Variants in SH3RF2 observed in about 807,000 individuals in gnomAD.
The protein encoded by SH3RF2 is SH3 domain containing ring finger 2.
Under a neutral mutation model 59.0 loss-of-function variants are expected in SH3RF2, and 43 were observed. The ratio of observed to expected loss-of-function variants is 0.73; its 90% CI spans 0.57 to 0.94. SH3RF2 has a LOEUF of 0.94. Among genes scored for constraint, SH3RF2 ranks in the 40% least tolerant of loss-of-function variants. The probability of loss-of-function intolerance (pLI) is 0.00; values close to 1 mark genes in which losing one functional copy is unlikely to be tolerated. For synonymous variants in SH3RF2, 391 were observed against 391.5 expected, an observed-to-expected ratio of 1.00 and a Z score of 0.01; for missense variants, 930 against 940.1, an observed-to-expected ratio of 0.99 and a Z score of 0.14.
In SH3RF2 at chr5:146,004,024, G is replaced by A. The variant is rs748482751; in HGVS notation, c.649-34G>A. ...GAGAGCTTTTACTGCCTGAAAATGA[G>A]AGTAAATGCTGACCATGAGACTTTC... On this transcript the variant is annotated intron_variant, in intron 3 of 9. Transcript: ENST00000359120. 6.3e-6 allele frequency: 10 copies of A among 1,580,974 alleles called. No individual in the cohort carries two copies. The South Asian group carries it at 1.0e-4, about 16-fold the overall frequency.
chr5:146,010,400 G>A (rs2149990726), intron 4 of SH3RF2, among the ~76,000 whole-genome samples: 1 of 152,264 alleles, frequency 6.6e-6, no homozygotes, highest in African/African-American at 2.4e-5. Flanking sequence ...ACCCAGTAAT[G>A]GGATGGCTGG....
chr5:145,990,250 G>A (rs952237059), intron 2 of SH3RF2, among the ~76,000 whole-genome samples: 1 of 152,126 alleles, frequency 6.6e-6, no homozygotes, highest in Non-Finnish European at 1.5e-5. Flanking sequence ...GCGTCTACTG[G>A]TTGGGAAATA....
chr5:145,952,635 T>C (rs1368202083), intron 2 of SH3RF2, among the ~76,000 whole-genome samples: 1 of 152,194 alleles, frequency 6.6e-6, no homozygotes, highest in Non-Finnish European at 1.5e-5. Flanking sequence ...AGACGTGTAA[T>C]GTATACTCTA....
chr5:145,979,493 C>A (rs1759430006), intron 2 of SH3RF2, among the ~76,000 whole-genome samples: 1 of 152,208 alleles, frequency 6.6e-6, no homozygotes, highest in Non-Finnish European at 1.5e-5. Flanking sequence ...GATAAGTTAT[C>A]TTACTGCTCT....
At chr5:146,059,730 G>A (rs538943540) in intron 8 of SH3RF2, 136 bp from the exon 9 acceptor site, 10 of 583,596 alleles carry the variant, frequency 1.7e-5, no homozygotes, top group South Asian at 1.4e-4. Context: ...TGAAAGACCC[G>A]GAGAGAATGT....
intron 5 of SH3RF2, among the ~76,000 whole-genome samples, chr5:146,031,189 G>A (rs1008620125): frequency 2.0e-5 from 3 of 152,146 alleles, no homozygotes; most frequent in African/African-American, 7.2e-5. Flanking sequence ...ATGCCCCCAG[G>A]TTGGAATTCT....
chr5:146,021,708 C>A (rs1761326361), intron 5 of SH3RF2, among the ~76,000 whole-genome samples: 1 of 150,546 alleles, frequency 6.6e-6, no homozygotes, highest in Non-Finnish European at 1.5e-5. Flanking sequence ...GGCCTCCCAC[C>A]TCTCTCTCTA....
chr5:145,972,873 G>A (rs532448233), intron 2 of SH3RF2, among the ~76,000 whole-genome samples: 1 of 152,268 alleles, frequency 6.6e-6, no homozygotes, highest in East Asian at 1.9e-4. Context: ...CTCCATGAGG[G>A]AAGTACTTTG....
chr5:146,002,527 AGG>A (rs1760469123), intron 3 of SH3RF2, among the ~76,000 whole-genome samples: 2 of 144,566 alleles, frequency 1.4e-5, no homozygotes, highest in South Asian at 2.2e-4. Context: ...GAAGGAAGGA[AGG>A]AAGGAAGGAT....
At chr5:145,998,279 G>GT (rs1231638728) in intron 2 of SH3RF2, among the ~76,000 whole-genome samples, 2 of 88,022 alleles carry the variant, frequency 2.3e-5, no homozygotes, top group Non-Finnish European at 4.6e-5. Context: ...GGGGCCCATA[G>GT]TTAAAAAAAA....
intron 1 of SH3RF2, 87 bp downstream of exon 1, chr5:145,936,781 A>G (rs1188798679): frequency 1.3e-5 from 2 of 152,092 alleles, no homozygotes; most frequent in East Asian, 1.9e-4. Context: ...GCCATCGCTC[A>G]TTCTCGGTCG....
At position 146,000,042 on chromosome 5, in the gene SH3RF2, G is replaced by A. The variant is rs372705391; in HGVS notation, c.379-16G>A. The A allele has an allele frequency of 1.2e-6, 2 of 1,611,266 alleles. No individual in the cohort carries two copies. Among genetic ancestry groups the A allele is most frequent in the Non-Finnish European group, 1.7e-6 (2 of 1,179,000 alleles). On this transcript the variant is annotated splice_polypyrimidine_tract_variant and intron_variant, in intron 2 of 9. Coordinates refer to ENST00000359120, the MANE Select transcript of SH3RF2 (RefSeq NM_152550.4). Reference sequence around the variant, plus strand: ...TCTAAGCTAAGTACATATCTTATTGGTCTGTGCCATTGCAGGTGCCTCGAG... The same window carrying A: ...TCTAAGCTAAGTACATATCTTATTGATCTGTGCCATTGCAGGTGCCTCGAG...
intron 9 of SH3RF2, among the ~76,000 whole-genome samples, chr5:146,061,074 GA>G (rs1475352175): frequency 6.6e-6 from 1 of 152,194 alleles, no homozygotes; most frequent in Non-Finnish European, 1.5e-5. Flanking sequence ...AGAACGGAAA[GA>G]GGATGCGATT....
chr5:145,941,724 C>A (rs1047116447), intron 2 of SH3RF2, among the ~76,000 whole-genome samples: 1 of 152,184 alleles, frequency 6.6e-6, no homozygotes, highest in Non-Finnish European at 1.5e-5. Context: ...CTCAACAGTT[C>A]TGCACTTTGG....
rs1283974010 is a variant in SH3RF2, at chr5:145,953,851, C to A, written c.378+15545C>A. 2.0e-5 allele frequency among the ~76,000 whole-genome samples: 3 copies of A among 152,134 alleles called. No individual in the cohort carries two copies. In the East Asian group the frequency reaches 5.8e-4, roughly 29 times the overall value. On this transcript the variant is annotated intron_variant, in intron 2 of 9. Coordinates refer to ENST00000359120, the MANE Select transcript of SH3RF2 (RefSeq NM_152550.4). ...TGCATTAGTTTGCTAAGGACAATGG[C>A]CTTCAGCTCCATCCATGTTCCCTCA...
intron 5 of SH3RF2, among the ~76,000 whole-genome samples, chr5:146,033,340 G>A (rs1383071497): frequency 1.1e-4 from 16 of 148,352 alleles, no homozygotes; most frequent in Admixed American, 7.4e-4. Flanking sequence ...CTTTCACATT[G>A]TCTTACCTAG....
intron 2 of SH3RF2, among the ~76,000 whole-genome samples, chr5:145,982,499 G>C (rs749322668): frequency 3.3e-5 from 5 of 152,154 alleles, no homozygotes; most frequent in Non-Finnish European, 5.9e-5. Context: ...AGCCTCCCCT[G>C]GTTCTTGAAA....
At chr5:145,978,721 A>T (rs1006591479) in intron 2 of SH3RF2, among the ~76,000 whole-genome samples, 6 of 151,974 alleles carry the variant, frequency 3.9e-5, no homozygotes, top group African/African-American at 1.4e-4. Flanking sequence ...CTCTAAATTC[A>T]TTAGTTGAAT....
chr5:145,988,354 T>C (rs1463511857), intron 2 of SH3RF2, among the ~76,000 whole-genome samples: 1 of 151,596 alleles, frequency 6.6e-6, no homozygotes. Context: ...AAAATCTCTC[T>C]GATCAGCCAA....
Sources: allele counts gnomAD v4.1 joint callset (sites outside exome capture counted in the v4.1 genomes callset), GRCh38; gene constraint gnomAD v4.1.1; transcripts MANE v1.5; gene names NCBI Gene and HGNC (gene_info 2026-07-23, HGNC 2026-07-21).